IGF2R: variants seen among roughly 807,000 people sequenced by gnomAD.
IGF2R encodes insulin like growth factor 2 receptor, also known as cation-independent mannose-6-phosphate receptor.
Under a neutral mutation model 270.6 loss-of-function variants are expected in IGF2R, and 91 were observed. That is an observed-to-expected ratio of 0.34 (90% CI 0.28 to 0.40). The LOEUF is 0.40. Among genes scored for constraint, IGF2R ranks in the 10% least tolerant of loss-of-function variants. IGF2R has a pLI of 1.00. For synonymous variants in IGF2R, 1,316 were observed against 1,258.9 expected (o/e 1.05, Z -0.96); for missense variants, 2,805 against 3,188.3 (o/e 0.88, Z 2.90).
rs780802676 is a variant in IGF2R at position 160,084,033 on chromosome 6, C to T, written c.5917C>T (p.Arg1973Cys). ...IGRPQVFSEV[R>C]GCDVTFEWKT... ...GAGGCCACAAGTCTTCAGTGAAGTG[C>T]GTGGGTGTGATGTGACATTTGAGTG... The change falls in exon 40 of 48, where the codon CGT becomes TGT. Residue 1973 changes from arginine (R) to cysteine (C), a missense_variant. Arg to Cys is a radical substitution (Grantham distance 180). Around this residue, in one of 2 missense-constraint regions of IGF2R, gnomAD observed 1,851 missense variants for 2,207.2 expected, o/e 0.84. Transcript: ENST00000356956. This position sits in a 1 kb window ranked among gnomAD's most constrained non-coding sequence, Gnocchi z 4.6. The T allele has an allele frequency of 1.6e-5, 26 of 1,613,818 alleles. No individual in the cohort carries two copies. Among genetic ancestry groups the T allele is most frequent in the Admixed American group, 8.3e-5 (5 of 59,998 alleles).
intron 9 of IGF2R, among the ~76,000 whole-genome samples, chr6:160,033,348 G>A (rs141612062): frequency 2.0e-5 from 3 of 152,204 alleles, no homozygotes; most frequent in Admixed American, 6.5e-5. Context: ...TGTTGCCCAC[G>A]CTGATCTTGA....
At chr6:159,977,222 C>A (rs1376484254) in intron 1 of IGF2R, among the ~76,000 whole-genome samples, 1 of 152,290 alleles carries the variant, frequency 6.6e-6, no homozygotes, top group East Asian at 1.9e-4. Context: ...TTTCCTTGGG[C>A]CCAGTTTCTT....
At position 160,045,031 on chromosome 6, in the gene IGF2R, A is replaced by AT. The variant is rs8191793; in HGVS notation, c.1765+378dup. 4.0e-3 allele frequency among the ~76,000 whole-genome samples: 608 copies of AT among 152,346 alleles called. 4 individuals carry two copies. Among genetic ancestry groups the AT allele is most frequent in the African/African-American group, 0.014 (585 of 41,580 alleles). On this transcript the variant is annotated intron_variant, in intron 13 of 47. Transcript: ENST00000356956. The stretch of plus-strand genomic sequence containing the variant: ...ATCTCACCACTTAAACACAATGTTA[A>AT]TTTTCATTACCTTTATTTATAGATG...
At chr6:160,033,241 A>G (rs1777739685) in intron 9 of IGF2R, 134 bp downstream of exon 9, 1 of 610,356 alleles carries the variant, frequency 1.6e-6, no homozygotes, top group African/African-American at 1.9e-5. Context: ...GCCTCAAGTA[A>G]TTCTCCCACC....
At chr6:160,101,977 G>A (rs1183327642) in intron 45 of IGF2R, among the ~76,000 whole-genome samples, 2 of 152,198 alleles carry the variant, frequency 1.3e-5, no homozygotes, top group Non-Finnish European at 2.9e-5. Flanking sequence ...CGGGGGCTGT[G>A]CTGGGCTCTG....
rs1203158084 is a variant in IGF2R at position 159,969,360 on chromosome 6, G to A, written c.114G>A (p.Thr38=). ...LLLLVAAPGS[T]QAQAAPFPEL... is the part of the protein sequence containing the mutation. ...TGCTCGTCGCTGCCCCGGGGTCCACGCAGGCCCAGGCCGCCCCGTTCCCCG... is the reference window on the plus strand; with the variant it reads ...TGCTCGTCGCTGCCCCGGGGTCCACACAGGCCCAGGCCGCCCCGTTCCCCG... The change falls in exon 1 of 48, where the codon ACG becomes ACA. Residue 38 remains threonine (T), a synonymous_variant. Coordinates refer to ENST00000356956, the MANE Select transcript of IGF2R (RefSeq NM_000876.4). The A allele has an allele frequency of 7.7e-7, 1 of 1,295,640 alleles. No individual in the cohort carries two copies. Among genetic ancestry groups the A allele is most frequent in the Non-Finnish European group, 9.8e-7 (1 of 1,020,212 alleles). 80.3% of individuals were successfully genotyped at this position (1,295,640 alleles called of 1,614,324 possible).
At chr6:160,062,056 G>C in intron 25 of IGF2R, 128 bp downstream of exon 25, 2 of 830,130 alleles carry the variant, frequency 2.4e-6, no homozygotes, top group Non-Finnish European at 3.8e-6. Context: ...GCCATTGCTA[G>C]GGTTTGACGA....
intron 29 of IGF2R, among the ~76,000 whole-genome samples, chr6:160,065,997 G>T (rs1778576501): frequency 6.9e-6 from 1 of 143,952 alleles, no homozygotes; most frequent in Non-Finnish European, 1.5e-5. Context: ...ACCATGCCTG[G>T]CTAATTTTTG....
intron 9 of IGF2R, 103 bp from the exon 10 acceptor site, chr6:160,034,316 T>C: frequency 2.9e-6 from 2 of 681,480 alleles, no homozygotes; most frequent in Non-Finnish European, 5.3e-6. Flanking sequence ...CCGTAGTGAT[T>C]TGTTGATGCT....
At chr6:160,097,881 G>T (rs546645784) in intron 45 of IGF2R, among the ~76,000 whole-genome samples, 2 of 152,282 alleles carry the variant, frequency 1.3e-5, no homozygotes, top group East Asian at 3.9e-4. Flanking sequence ...TGCTGTTCAG[G>T]CCTGTGTACT....
Position 160,034,442 on chromosome 6 carries a change from T to C in IGF2R, c.1235T>C (p.Leu412Ser). The change falls in exon 10 of 48, where the codon TTG becomes TCG. Residue 412 changes from leucine (L) to serine (S), a missense_variant. Coordinates refer to ENST00000356956, the MANE Select transcript of IGF2R (RefSeq NM_000876.4). ...TLRYSDGDLTLIYFGGDECSS... is the reference protein window; with the variant it reads ...TLRYSDGDLTSIYFGGDECSS... ...AGATATTCGGATGGAGACCTCACCT[T>C]GATATATTTTGGAGGTGATGAATGC... The C allele has an allele frequency of 6.2e-7, 1 of 1,605,340 alleles. No individual in the cohort carries two copies. The highest frequency in any genetic ancestry group is 8.5e-7 in the Non-Finnish European group (1 of 1,172,262).
intron 31 of IGF2R, 88 bp downstream of exon 31, chr6:160,070,146 C>T: frequency 7.8e-7 from 1 of 1,287,420 alleles, no homozygotes. Context: ...CCTCATCTGC[C>T]TTGGGATGCG....
In IGF2R at chr6:160,046,571, T is replaced by C; in HGVS notation, c.1977T>C (p.Phe659=). 1 of 1,614,088 alleles carries C rather than the reference T, an allele frequency of 6.2e-7. No homozygotes were observed. The highest frequency in any genetic ancestry group is 1.7e-5 in the Admixed American group (1 of 59,966). The part of the protein sequence containing the change: ...AYKVETKKYD[F]YINVCGPVSV... ...AAGTTGAGACAAAGAAGTATGACTT[T>C]TATATAAATGTGTGTGGCCCGGTGT... Residue 659 remains phenylalanine (F), a synonymous_variant, in exon 15 of 48, where the codon TTT becomes TTC. Transcript: ENST00000356956.
rs1365980553 is a variant in IGF2R at position 160,106,017 on chromosome 6, T to TA, written c.*934dup. The TA allele has an allele frequency of 6.6e-6, 1 of 152,402 alleles. No homozygotes were observed. Among genetic ancestry groups the TA allele is most frequent in the Non-Finnish European group, 1.5e-5 (1 of 68,048 alleles). The allele number at this position is 152,402 out of a possible 1,614,324, so 9.4% of individuals were successfully genotyped here. The stretch of plus-strand genomic sequence containing the variant: ...GTCTCATCTCTTCAGGTTCTCATGA[T>TA]ACCACCTTTACTGTGCTTATTTTTT... On this transcript the variant is annotated 3_prime_UTR_variant, in exon 48 of 48. Coordinates refer to ENST00000356956, the MANE Select transcript of IGF2R (RefSeq NM_000876.4).
chr6:160,052,766 A>G (rs9457816), intron 19 of IGF2R, among the ~76,000 whole-genome samples: 6,188 of 152,294 alleles, frequency 0.041, 220 homozygotes, highest in East Asian at 0.098. Context: ...CAGAGTCCTC[A>G]GAAATAACAC....
In IGF2R at chr6:160,103,737, T is replaced by C. The variant is rs1779546438; in HGVS notation, c.6996-9T>C. 3 of 1,604,952 alleles carry C rather than the reference T, an allele frequency of 1.9e-6. No individual in the cohort carries two copies. Among genetic ancestry groups the C allele is most frequent in the Non-Finnish European group, 2.6e-6 (3 of 1,171,614 alleles). On this transcript the variant is annotated splice_polypyrimidine_tract_variant and intron_variant, in intron 46 of 47. Transcript: ENST00000356956. ...ACTGGAGTAATTATTGTCTCCTTTT[T>C]TTTTATAGGGAAACAGTGATAAGTA...
chr6:160,034,272 T>C (rs184636999), intron 9 of IGF2R, 147 bp from the exon 10 acceptor site: 110 of 534,964 alleles, frequency 2.1e-4, no homozygotes, highest in African/African-American at 1.9e-3. Context: ...TAGATATTTT[T>C]CCCTAGCTGG....
rs754114803 is a variant in IGF2R, at chr6:160,080,134, G to T, written c.5692G>T (p.Asp1898Tyr). 1 of 1,613,838 alleles carries T rather than the reference G, an allele frequency of 6.2e-7. No homozygotes were observed. The highest frequency in any genetic ancestry group is 1.1e-5 in the South Asian group (1 of 91,056). ...AATGTTCTTCTTCTTTCCAGAAACC[G>T]ATGACGGCGTCCCCTGTGTCTTCCC... ...VNGDRCPPET[D>Y]DGVPCVFPFI... is the part of the protein sequence containing the mutation. Residue 1898 changes from aspartate to tyrosine, a missense_variant, in exon 39 of 48, where the codon GAT (aspartate) becomes TAT (tyrosine). Coordinates refer to ENST00000356956, the MANE Select transcript of IGF2R (RefSeq NM_000876.4).
rs1223636945 is a variant in IGF2R at position 160,027,982 on chromosome 6, T to C, written c.776+668T>C. Among the ~76,000 whole-genome samples, 3 of 152,200 alleles carry C rather than the reference T, an allele frequency of 2.0e-5. No homozygotes were observed. In the East Asian group the frequency reaches 5.8e-4, roughly 29 times the overall value. Reference sequence around the variant, plus strand: ...TGGTTGTAGGGAGCATGTGCAATTATAATGGCACTCTGTCCAAAGAAAAAA... The same window carrying C: ...TGGTTGTAGGGAGCATGTGCAATTACAATGGCACTCTGTCCAAAGAAAAAA... On this transcript the variant is annotated intron_variant, in intron 6 of 47. Coordinates refer to ENST00000356956, the MANE Select transcript of IGF2R (RefSeq NM_000876.4).
Sources: gnomAD v4.1 joint callset for allele counts (sites outside exome capture counted in the v4.1 genomes callset) on GRCh38, gnomAD v4.1.1 for gene constraint, gnomAD v4.1.1 regional missense constraint, Gnocchi (gnomAD v3.1) non-coding constraint, MANE v1.5 for transcripts, NCBI Gene and HGNC (gene_info 2026-07-23, HGNC 2026-07-21) for gene names.